The following FAM76A variants were observed in gnomAD, a reference collection of about 807,000 sequenced individuals.
The protein encoded by FAM76A is family with sequence similarity 76 member A, also known as protein FAM76A.
FAM76A carries 32 observed loss-of-function variants against 46.2 expected under a neutral mutation model. That is an observed-to-expected ratio of 0.69 (90% CI 0.52 to 0.93). The LOEUF is 0.93. Ranked by LOEUF, FAM76A falls within the 40% of genes least tolerant of loss-of-function variation. FAM76A has a pLI of 0.00. For synonymous variants in FAM76A, 137 were observed against 127.0 expected (o/e 1.08, Z -0.53); for missense variants, 274 against 361.5 (o/e 0.76, Z 1.96).
chr1:27,740,606 C>G, intron 4 of FAM76A: 1 of 754,862 alleles, frequency 1.3e-6, no homozygotes, highest in Non-Finnish European at 2.2e-6. Context: ...AGAAGCCACT[C>G]AAAAACATTC....
Position 27,755,368 on chromosome 1 carries a change from C to T in FAM76A, c.735+38C>T, listed in dbSNP as rs754097188. On this transcript the variant is annotated intron_variant, in intron 7 of 8. Coordinates refer to ENST00000373954, the MANE Select transcript of FAM76A (RefSeq NM_152660.3). ...TAATTCCTCTCTGACCAGAATGATG[C>T]GAGGGTGAGATATGTGGTATGGGAC... 2.2e-5 allele frequency: 35 copies of T among 1,609,816 alleles called. No individual in the cohort carries two copies. The Admixed American group carries it at 4.0e-4, about 18-fold the overall frequency.
intron 4 of FAM76A, chr1:27,740,001 G>C: frequency 6.2e-6 from 2 of 324,432 alleles, no homozygotes; most frequent in Non-Finnish European, 1.2e-5. Context: ...ACAGCAACCT[G>C]GCCAGTTTAG....
intron 2 of FAM76A, among the ~76,000 whole-genome samples, chr1:27,728,848 C>A (rs532082911): frequency 6.6e-6 from 1 of 152,078 alleles, no homozygotes; most frequent in African/African-American, 2.4e-5. Flanking sequence ...CCTGTAGTCC[C>A]AGCTACTTGG....
intron 1 of FAM76A, among the ~76,000 whole-genome samples, chr1:27,726,628 ATT>A (rs755559347): frequency 4.3e-5 from 6 of 139,668 alleles, no homozygotes; most frequent in Non-Finnish European, 4.7e-5. Context: ...GCAAGGCTTG[ATT>A]TTTTTTTTTT....
At chr1:27,738,906 A>C (rs923995822) in intron 4 of FAM76A, among the ~76,000 whole-genome samples, 2 of 152,160 alleles carry the variant, frequency 1.3e-5, no homozygotes, top group Admixed American at 6.6e-5. Flanking sequence ...GAGGACAAAA[A>C]TTCCAGGAAG....
intron 8 of FAM76A, 41 bp downstream of exon 8, chr1:27,759,668 C>CAGGTAGGTACACAATTT: frequency 2.2e-6 from 3 of 1,357,756 alleles, no homozygotes; most frequent in Non-Finnish European, 3.1e-6. Context: ...AATTGTGTAC[C>CAGGTAGGTACACAATTT]TACCTGGTAT....
intron 5 of FAM76A, among the ~76,000 whole-genome samples, chr1:27,748,475 T>G (rs2088280346): frequency 1.4e-5 from 2 of 147,734 alleles, no homozygotes; most frequent in African/African-American, 5.0e-5. Flanking sequence ...TGAAGTTTTT[T>G]TTTTTTTTTT....
chr1:27,730,208 CAG>C (rs2087931254), intron 2 of FAM76A: 2 of 215,362 alleles, frequency 9.3e-6, no homozygotes, highest in Admixed American at 5.8e-5. Flanking sequence ...GTTGTTGAGA[CAG>C]AGTTTCGCTC....
intron 7 of FAM76A, among the ~76,000 whole-genome samples, chr1:27,757,621 G>T (rs531872479): frequency 6.6e-6 from 1 of 152,002 alleles, no homozygotes; most frequent in African/African-American, 2.4e-5. Context: ...CGCCCACCTC[G>T]GCCTCCCAAA....
chr1:27,731,841 G>C (rs1018002929), intron 2 of FAM76A, among the ~76,000 whole-genome samples: 3 of 151,788 alleles, frequency 2.0e-5, no homozygotes, highest in Non-Finnish European at 4.4e-5. Flanking sequence ...GTTTTTTTGA[G>C]ACGGAGTTTT....
intron 4 of FAM76A, among the ~76,000 whole-genome samples, chr1:27,737,885 A>AC (rs2088080697): frequency 1.3e-5 from 2 of 150,160 alleles, no homozygotes; most frequent in Non-Finnish European, 3.0e-5. Context: ...AAAAAAAAAA[A>AC]AAAAAAACAG....
At chr1:27,740,049 CTGGATGTCA>C (rs1282028665) in intron 4 of FAM76A, 3 of 401,302 alleles carry the variant, frequency 7.5e-6, no homozygotes, top group Non-Finnish European at 1.5e-5. Context: ...CTGGGTCCAC[CTGGATGTCA>C]TGGATGGGCA....
intron 7 of FAM76A, among the ~76,000 whole-genome samples, chr1:27,757,540 G>A (rs2088431992): frequency 6.6e-6 from 1 of 152,080 alleles, no homozygotes; most frequent in African/African-American, 2.4e-5. Context: ...GCTAATTTTT[G>A]TATTTTTCAT....
At position 27,742,705 on chromosome 1, in the gene FAM76A, A is replaced by ATTAT. The variant is rs1050835364; in HGVS notation, c.355-1948_355-1945dup. On this transcript the variant is annotated intron_variant, in intron 4 of 8. Coordinates refer to ENST00000373954, the MANE Select transcript of FAM76A (RefSeq NM_152660.3). Reference sequence around the variant, plus strand: ...TATAGTTAATAAAATTATAGTTGAAATTATAGTTGAAAATTGTTAAGAGAG... The same window carrying ATTAT: ...TATAGTTAATAAAATTATAGTTGAAATTATTTATAGTTGAAAATTGTTAAGAGAG... Among the ~76,000 whole-genome samples, 10 of 152,290 alleles carry ATTAT rather than the reference A, an allele frequency of 6.6e-5. No individual in the cohort carries two copies. In the Middle Eastern group the frequency reaches 0.017, roughly 259 times the overall value.
chr1:27,740,027 G>A (rs1053724560), intron 4 of FAM76A: 21 of 367,242 alleles, frequency 5.7e-5, no homozygotes, highest in East Asian at 1.3e-4. Flanking sequence ...AAGTGCCTCC[G>A]TATTCTAGAC....
At chr1:27,759,672 C>G (rs1356338417) in intron 8 of FAM76A, 45 bp downstream of exon 8, 2 of 1,230,116 alleles carry the variant, frequency 1.6e-6, no homozygotes, top group East Asian at 2.3e-5. Context: ...GTGTACCTAC[C>G]TGGTATACCT....
chr1:27,753,473 C>A (rs1446454385), intron 6 of FAM76A, among the ~76,000 whole-genome samples: 1 of 152,194 alleles, frequency 6.6e-6, no homozygotes, highest in Non-Finnish European at 1.5e-5. Flanking sequence ...CTAGTGGAGA[C>A]TGTAATAGGT....
chr1:27,742,144 A>G (rs2088165904), intron 4 of FAM76A, among the ~76,000 whole-genome samples: 1 of 152,200 alleles, frequency 6.6e-6, no homozygotes, highest in Admixed American at 6.6e-5. Flanking sequence ...GTAAATGATG[A>G]CGTGGCCTAC....
chr1:27,732,713 C>G lies in FAM76A; in HGVS notation c.201+56C>G, dbSNP rs1414328854. 6.9e-6 allele frequency: 9 copies of G among 1,302,504 alleles called. No homozygotes were observed. The African/African-American group carries it at 1.2e-4, about 17-fold the overall frequency. 80.7% of individuals were successfully genotyped at this position (1,302,504 alleles called of 1,614,324 possible). On this transcript the variant is annotated intron_variant, in intron 3 of 8. Transcript: ENST00000373954. ...AGTACTAGGGTCTTGTGGAACCTTA[C>G]CTTCTGTGGCCTACTAATGCCATTA... is the stretch of plus-strand genomic sequence containing the variant.
Sources: allele counts gnomAD v4.1 joint callset (sites outside exome capture counted in the v4.1 genomes callset), GRCh38; gene constraint gnomAD v4.1.1; transcripts MANE v1.5; gene names NCBI Gene and HGNC (gene_info 2026-07-23, HGNC 2026-07-21).